Variants in TFR2 observed in about 807,000 individuals in gnomAD.
The protein encoded by TFR2 is transferrin receptor 2.
In TFR2, 64 loss-of-function variants were observed where a neutral mutation model predicts 91.9. The observed-to-expected ratio is 0.70, with a 90% CI of 0.57 to 0.86. The LOEUF (loss-of-function observed/expected upper bound fraction) is 0.86, where lower values mean the gene tolerates loss of function less well. TFR2 is among the 40% of genes least tolerant of loss of function. The pLI is 0.00. For synonymous variants in TFR2, 454 were observed against 459.6 expected, an observed-to-expected ratio of 0.99 and a Z score of 0.15; for missense variants, 950 against 1,080.5, an observed-to-expected ratio of 0.88 and a Z score of 1.69.
At chr7:100,641,282 G>A in intron 1 of TFR2, 54 bp from the exon 2 acceptor site, 1 of 1,525,590 alleles carries the variant, frequency 6.6e-7, no homozygotes, top group Non-Finnish European at 8.8e-7. Context: ...GGGGTGGGGA[G>A]GCATCTGGCA....
chr7:100,641,343 GTGGGGGA>G, intron 1 of TFR2, 115 bp from the exon 2 acceptor site: 2 of 1,399,206 alleles, frequency 1.4e-6, no homozygotes, highest in Non-Finnish European at 2.0e-6. Flanking sequence ...TGGTGGGGGC[GTGGGGGA>G]GGGGCAGGGG....
Position 100,641,208 on chromosome 7 carries a change from G to T in TFR2, c.54C>A (p.Ser18=). 3 of 1,535,538 alleles carry T rather than the reference G, an allele frequency of 2.0e-6. No individual in the cohort carries two copies. Among genetic ancestry groups the T allele is most frequent in the Non-Finnish European group, 2.6e-6 (3 of 1,138,368 alleles). Residue 18 remains serine (S), a synonymous_variant, in exon 2 of 18, where the codon TCC becomes TCA. Transcript: ENST00000223051. ...FQRAQQLSPR[S]SQTVYQRVEG... ...CCACACGCTGGTAGACGGTCTGAGAGGATCTTGGGGACAGTTGTTGCTGTG... is the reference window on the plus strand; with the variant it reads ...CCACACGCTGGTAGACGGTCTGAGATGATCTTGGGGACAGTTGTTGCTGTG...
At chr7:100,632,448 C>T (rs1803470305) in intron 6 of TFR2, among the ~76,000 whole-genome samples, 1 of 151,980 alleles carries the variant, frequency 6.6e-6, no homozygotes, top group Non-Finnish European at 1.5e-5. Context: ...CCAATTTGTT[C>T]CCAGCCAACA....
At chr7:100,624,961 C>A (rs975252539) in intron 17 of TFR2, among the ~76,000 whole-genome samples, 1 of 151,992 alleles carries the variant, frequency 6.6e-6, no homozygotes, top group African/African-American at 2.4e-5. Flanking sequence ...ATAAAATTCA[C>A]TGGGTCTGGC....
In TFR2 at chr7:100,626,872, G is replaced by A. The variant is rs1415744059; in HGVS notation, c.2027C>T (p.Ser676Leu). Residue 676 changes from serine to leucine, a missense_variant, in exon 17 of 18, where the codon TCG becomes TTG. Physicochemically the swap from Ser to Leu is moderately radical, Grantham distance 145. Coordinates refer to ENST00000223051, the MANE Select transcript of TFR2 (RefSeq NM_003227.4). ...CGCCCGGATGTAGTCCCCCCGCGCCGAGTACACCCACTGCAGGGTCAGCCC... is the reference window on the plus strand; with the variant it reads ...CGCCCGGATGTAGTCCCCCCGCGCCAAGTACACCCACTGCAGGGTCAGCCC... Reference protein sequence around the residue: ...ARGLTLQWVYSARGDYIRAAE... With the variant: ...ARGLTLQWVYLARGDYIRAAE... 6 of 1,546,838 alleles carry A rather than the reference G, an allele frequency of 3.9e-6. No homozygotes were observed. Among genetic ancestry groups the A allele is most frequent in the East Asian group, 2.4e-5 (1 of 40,918 alleles).
chr7:100,627,545 G>A (rs374393961), intron 15 of TFR2, 32 bp downstream of exon 15: 16 of 1,613,840 alleles, frequency 9.9e-6, no homozygotes, highest in South Asian at 6.6e-5. Flanking sequence ...AAGGACTAGC[G>A]CTGTGTCTGG....
At chr7:100,639,466 A>G (rs1803648036) in intron 3 of TFR2, among the ~76,000 whole-genome samples, 1 of 152,144 alleles carries the variant, frequency 6.6e-6, no homozygotes, top group African/African-American at 2.4e-5. Context: ...AGCAAAGTTC[A>G]TTGTCAATGG....
intron 3 of TFR2, among the ~76,000 whole-genome samples, chr7:100,636,170 CTTTT>C (rs10584926): frequency 1.2e-3 from 104 of 85,702 alleles, no homozygotes; most frequent in East Asian, 3.6e-3. Context: ...CACCCTGCAT[CTTTT>C]TTTTTTTTTT....
chr7:100,641,341 G>C, intron 1 of TFR2, 113 bp from the exon 2 acceptor site: 5 of 1,428,766 alleles, frequency 3.5e-6, no homozygotes, highest in Non-Finnish European at 4.8e-6. Context: ...GGTGGTGGGG[G>C]CGTGGGGGAG....
chr7:100,629,093 G>A (rs917038419), intron 10 of TFR2, among the ~76,000 whole-genome samples, 160 bp downstream of exon 10: 5 of 152,164 alleles, frequency 3.3e-5, no homozygotes, highest in African/African-American at 1.2e-4. Flanking sequence ...CGAAATAGAG[G>A]TGAAGTGACT....
chr7:100,629,361 C>A lies in TFR2; in HGVS notation c.1282G>T (p.Val428Phe). ...EGRSEPDHYV[V>F]IGAQRDAWGP... ...CATGCATCCCTCTGGGCCCCGATGACAACGTAGTGATCTGGGGAGGGGATG... is the reference window on the plus strand; with the variant it reads ...CATGCATCCCTCTGGGCCCCGATGAAAACGTAGTGATCTGGGGAGGGGATG... The change falls in exon 10 of 18, where the codon GTC becomes TTC. Residue 428 changes from valine (V) to phenylalanine (F), a missense_variant. Coordinates refer to ENST00000223051, the MANE Select transcript of TFR2 (RefSeq NM_003227.4). The A allele has an allele frequency of 6.2e-7, 1 of 1,613,982 alleles. No homozygotes were observed.
chr7:100,632,318 G>C, intron 6 of TFR2, 120 bp from the exon 7 acceptor site: 1 of 947,558 alleles, frequency 1.1e-6, no homozygotes, highest in Non-Finnish European at 1.7e-6. Flanking sequence ...AGAGGATGTG[G>C]GGGCACTACC....
chr7:100,626,872 G>C lies in TFR2; in HGVS notation c.2027C>G (p.Ser676Trp), dbSNP rs1415744059. The change falls in exon 17 of 18, where the codon TCG becomes TGG. Residue 676 changes from serine to tryptophan, a missense_variant. Coordinates refer to ENST00000223051, the MANE Select transcript of TFR2 (RefSeq NM_003227.4). ...ARGLTLQWVY[S>W]ARGDYIRAAE... is the part of the protein sequence containing the mutation. ...CGCCCGGATGTAGTCCCCCCGCGCC[G>C]AGTACACCCACTGCAGGGTCAGCCC... is the stretch of plus-strand genomic sequence containing the variant. 5 of 1,546,838 alleles carry C rather than the reference G, an allele frequency of 3.2e-6. No individual in the cohort carries two copies. The highest frequency in any genetic ancestry group is 4.4e-6 in the Non-Finnish European group (5 of 1,147,090).
At chr7:100,636,982 C>T (rs1235674015) in intron 3 of TFR2, among the ~76,000 whole-genome samples, 3 of 152,202 alleles carry the variant, frequency 2.0e-5, no homozygotes, top group African/African-American at 7.2e-5. Flanking sequence ...TAGCCCTGAA[C>T]AGGCTGGGCA....
chr7:100,633,185 G>A, intron 5 of TFR2, 44 bp downstream of exon 5: 1 of 1,613,092 alleles, frequency 6.2e-7, no homozygotes, highest in Non-Finnish European at 8.5e-7. Flanking sequence ...CCAGGAAAGG[G>A]CTCGTGCCGC....
chr7:100,620,757 G>A lies in TFR2; in HGVS notation c.*100C>T. On this transcript the variant is annotated 3_prime_UTR_variant, in exon 18 of 18. Transcript: ENST00000223051. ...GGGTAATGAGAAATTGATCAGCAAT[G>A]AGAGGTGGACTCTGAGCCACCTCCC... 6.5e-7 allele frequency: 1 copy of A among 1,527,266 alleles called. No individual in the cohort carries two copies. Among genetic ancestry groups the A allele is most frequent in the South Asian group, 1.2e-5 (1 of 85,762 alleles). 94.6% of individuals were successfully genotyped at this position (1,527,266 alleles called of 1,614,324 possible).
intron 3 of TFR2, among the ~76,000 whole-genome samples, chr7:100,638,757 TA>T (rs34071254): frequency 0.68 from 98,093 of 145,212 alleles, 33,234 homozygotes; most frequent in African/African-American, 0.82. Flanking sequence ...TCAAAAAAAG[TA>T]AAAAAAAAAA....
rs756218360 is a variant in TFR2 at position 100,627,895 on chromosome 7, G to A, written c.1605+12C>T. ...TACTCCCCTTCACCCCCTATTCCTG[G>A]GGTGCTCTTGCCTGCTTCAGGACAC... On this transcript the variant is annotated intron_variant, in intron 13 of 17. Transcript: ENST00000223051. The A allele has an allele frequency of 6.2e-7, 1 of 1,614,040 alleles. No homozygotes were observed. Among genetic ancestry groups the A allele is most frequent in the Non-Finnish European group, 8.5e-7 (1 of 1,179,980 alleles).
At chr7:100,633,697 GCTTTT>G (rs80328855) in intron 3 of TFR2, 141 bp from the exon 4 acceptor site, 9 of 859,576 alleles carry the variant, frequency 1.0e-5, no homozygotes, top group South Asian at 5.7e-5. Flanking sequence ...CCCCGCGGAC[GCTTTT>G]TTTTTTTTTT....
Sources: allele counts gnomAD v4.1 joint callset (sites outside exome capture counted in the v4.1 genomes callset), GRCh38; gene constraint gnomAD v4.1.1; transcripts MANE v1.5; gene names NCBI Gene and HGNC (gene_info 2026-07-23, HGNC 2026-07-21).